Variants in C19orf44 observed in about 807,000 individuals in gnomAD.
C19orf44 encodes uncharacterized protein C19orf44.
In C19orf44, 43 loss-of-function variants were observed where a neutral mutation model predicts 50.7. The ratio of observed to expected loss-of-function variants is 0.85; its 90% CI spans 0.66 to 1.09. The LOEUF is 1.09. Among genes scored for constraint, C19orf44 ranks in the 50% least tolerant of loss-of-function variants. C19orf44 has a pLI of 0.00. For missense variants in C19orf44, 722 were observed against 836.2 expected (o/e 0.86, Z 1.68); for synonymous variants, 298 against 334.7 (o/e 0.89, Z 1.20).
rs778252962 is a variant in C19orf44, at chr19:16,520,217, C to T, written c.*164C>T. ...GGGAGTACGACTTGGACCGGGACCGCGACTGGGACCGGGAGCGGCTTCTGG... is the reference window on the plus strand; with the variant it reads ...GGGAGTACGACTTGGACCGGGACCGTGACTGGGACCGGGAGCGGCTTCTGG... On this transcript the variant is annotated 3_prime_UTR_variant, in exon 9 of 9. Coordinates refer to ENST00000221671, the MANE Select transcript of C19orf44 (RefSeq NM_032207.4). The surrounding 1 kb of genome is among the most constrained non-coding windows in gnomAD (Gnocchi z 4.0). The T allele has an allele frequency of 3.7e-5, 60 of 1,613,274 alleles. No homozygotes were observed. Among genetic ancestry groups the T allele is most frequent in the Non-Finnish European group, 4.8e-5 (57 of 1,180,030 alleles).
At chr19:16,506,057 C>T (rs911197188) in intron 3 of C19orf44, among the ~76,000 whole-genome samples, 1 of 151,438 alleles carries the variant, frequency 6.6e-6, no homozygotes, top group African/African-American at 2.4e-5. Context: ...TAGTTCACTG[C>T]AGCTTTGAAC....
chr19:16,517,110 TCTGTCA>T, intron 7 of C19orf44, 114 bp from the exon 8 acceptor site: 1 of 887,820 alleles, frequency 1.1e-6, no homozygotes. Context: ...GTTTTACACT[TCTGTCA>T]CTGACAGGAG....
intron 2 of C19orf44, 66 bp from the exon 3 acceptor site, chr19:16,502,995 AAAAC>A: frequency 6.8e-7 from 1 of 1,467,746 alleles, no homozygotes; most frequent in Non-Finnish European, 9.2e-7. Context: ...TCAAAAAAAA[AAAAC>A]AAAAAACAAA....
chr19:16,510,186 C>A, intron 5 of C19orf44, 198 bp downstream of exon 5: 1 of 684,454 alleles, frequency 1.5e-6, no homozygotes, highest in Non-Finnish European at 2.4e-6. Flanking sequence ...GCGGGAGGAT[C>A]ACTTGAGGTC....
chr19:16,501,712 C>T, intron 2 of C19orf44, among the ~76,000 whole-genome samples, 161 bp downstream of exon 2: 1 of 151,542 alleles, frequency 6.6e-6, no homozygotes, highest in South Asian at 2.1e-4. Flanking sequence ...CTGCCTCAGC[C>T]TCCCGAGTAG....
At position 16,513,028 on chromosome 19, in the gene C19orf44, G is replaced by A; in HGVS notation, c.1654G>A (p.Ala552Thr). ...YEWTKVASMA[A>T]MGPALGGAYV... Reference sequence around the variant, plus strand: ...CCCCGAGATAGTGGCCAGCATGGCAGCCATGGGGCCTGCCCTGGGAGGCGC... The same window carrying A: ...CCCCGAGATAGTGGCCAGCATGGCAACCATGGGGCCTGCCCTGGGAGGCGC... The change falls in exon 6 of 9, where the codon GCC becomes ACC. Residue 552 changes from alanine (A) to threonine (T), a missense_variant. Ala to Thr is a moderately conservative substitution (Grantham distance 58). Coordinates refer to ENST00000221671, the MANE Select transcript of C19orf44 (RefSeq NM_032207.4). The A allele has an allele frequency of 6.2e-7, 1 of 1,613,178 alleles. No individual in the cohort carries two copies. Among genetic ancestry groups the A allele is most frequent in the Non-Finnish European group, 8.5e-7 (1 of 1,179,988 alleles).
Position 16,521,237 on chromosome 19 carries a change from C to G in C19orf44, c.*1184C>G. 1 of 570,188 alleles carries G rather than the reference C, an allele frequency of 1.8e-6. No individual in the cohort carries two copies. Among genetic ancestry groups the G allele is most frequent in the Non-Finnish European group, 3.1e-6 (1 of 320,154 alleles). 35.3% of individuals were successfully genotyped at this position (570,188 alleles called of 1,614,324 possible). A position where few individuals can be genotyped will look rare whatever the true frequency, so the allele number is the denominator to read the frequency against. ...GCCCAGCACAGGAAGGAGGGGTGACCACTGGGAAGGGTGGGCTGAGGGCCC... is the reference window on the plus strand; with the variant it reads ...GCCCAGCACAGGAAGGAGGGGTGACGACTGGGAAGGGTGGGCTGAGGGCCC... On this transcript the variant is annotated 3_prime_UTR_variant, in exon 9 of 9. Transcript: ENST00000221671.
chr19:16,516,472 T>G (rs994248017), intron 7 of C19orf44, among the ~76,000 whole-genome samples: 1 of 152,130 alleles, frequency 6.6e-6, no homozygotes, highest in South Asian at 2.1e-4. Flanking sequence ...TCAAGGAATA[T>G]CCAGTGTTGA....
intron 2 of C19orf44, 67 bp from the exon 3 acceptor site, chr19:16,502,998 A>T: frequency 6.8e-7 from 1 of 1,460,022 alleles, no homozygotes. Flanking sequence ...AAAAAAAAAA[A>T]CAAAAAACAA....
chr19:16,499,355 C>G (rs959733808), intron 1 of C19orf44: 5 of 151,832 alleles, frequency 3.3e-5, no homozygotes, highest in African/African-American at 1.2e-4. Context: ...GGCGCAGTCT[C>G]GGCTCACTGC....
In C19orf44 at chr19:16,519,879, T is replaced by C. The variant is rs1375706077; in HGVS notation, c.*41-215T>C. 2.8e-6 allele frequency: 2 copies of C among 704,702 alleles called. No individual in the cohort carries two copies. The highest frequency in any genetic ancestry group is 3.5e-5 in the African/African-American group (2 of 56,868). The allele number at this position is 704,702 out of a possible 1,614,324, so 43.7% of individuals were successfully genotyped here. On this transcript the variant is annotated intron_variant, in intron 8 of 8. Coordinates refer to ENST00000221671, the MANE Select transcript of C19orf44 (RefSeq NM_032207.4). This position sits in a 1 kb window ranked among gnomAD's most constrained non-coding sequence, Gnocchi z 6.0. ...ACCCGTTTATCCTGTCTCAGCTAGA[T>C]AAGGGGGCTCCAGACGCTGGCCCCC... is the stretch of plus-strand genomic sequence containing the variant.
chr19:16,502,534 G>A (rs2093428525), intron 2 of C19orf44, among the ~76,000 whole-genome samples: 1 of 152,108 alleles, frequency 6.6e-6, no homozygotes, highest in African/African-American at 2.4e-5. Flanking sequence ...ACCACGCCCA[G>A]CCTTGTGGAA....
Position 16,519,489 on chromosome 19 carries a change from G to C in C19orf44, c.*41-605G>C. 1.6e-6 allele frequency: 2 copies of C among 1,251,534 alleles called. No individual in the cohort carries two copies. Among genetic ancestry groups the C allele is most frequent in the Non-Finnish European group, 2.3e-6 (2 of 873,334 alleles). The allele number at this position is 1,251,534 out of a possible 1,614,324, so 77.5% of individuals were successfully genotyped here. On this transcript the variant is annotated intron_variant, in intron 8 of 8. Transcript: ENST00000221671. The surrounding 1 kb of genome is among the most constrained non-coding windows in gnomAD (Gnocchi z 6.0). Reference sequence around the variant, plus strand: ...ACCCGCAGGCCGGCCCTGTCTAGAGGGTCTGGGTGGAGTCAGAACCGGCCT... The same window carrying C: ...ACCCGCAGGCCGGCCCTGTCTAGAGCGTCTGGGTGGAGTCAGAACCGGCCT...
chr19:16,509,869 C>T lies in C19orf44; in HGVS notation c.1520C>T (p.Thr507Ile), dbSNP rs200035622. The change falls in exon 5 of 9, where the codon ACA becomes ATA. Residue 507 changes from threonine to isoleucine, a missense_variant. Coordinates refer to ENST00000221671, the MANE Select transcript of C19orf44 (RefSeq NM_032207.4). ...ALSESSSSVK[T>I]DLPQTAESRK... Reference sequence around the variant, plus strand: ...TCTGAATCCTCTTCAAGTGTGAAGACAGACCTTCCACAAACAGCCGAGTCT... The same window carrying T: ...TCTGAATCCTCTTCAAGTGTGAAGATAGACCTTCCACAAACAGCCGAGTCT... 21 of 1,614,266 alleles carry T rather than the reference C, an allele frequency of 1.3e-5. No individual in the cohort carries two copies. Among genetic ancestry groups the T allele is most frequent in the Non-Finnish European group, 1.6e-5 (19 of 1,180,046 alleles).
At chr19:16,517,818 C>T (rs1409146784) in intron 8 of C19orf44, 1 of 157,730 alleles carries the variant, frequency 6.3e-6, no homozygotes, top group African/African-American at 2.4e-5. Flanking sequence ...CCCCAGGCTG[C>T]ACAGCTCAAA....
intron 1 of C19orf44, among the ~76,000 whole-genome samples, chr19:16,497,071 A>G (rs2122159109): frequency 6.6e-6 from 1 of 152,282 alleles, no homozygotes; most frequent in South Asian, 2.1e-4. Flanking sequence ...CAGGAGGTCA[A>G]GGGCTGCTGT....
intron 5 of C19orf44, among the ~76,000 whole-genome samples, chr19:16,512,481 C>T (rs886351116): frequency 3.3e-5 from 5 of 152,046 alleles, no homozygotes; most frequent in Non-Finnish European, 5.9e-5. Flanking sequence ...CCGGAGCCAC[C>T]GCTGCACCCA....
At chr19:16,515,763 C>A (rs940495773) in intron 7 of C19orf44, among the ~76,000 whole-genome samples, 1 of 151,236 alleles carries the variant, frequency 6.6e-6, no homozygotes, top group Non-Finnish European at 1.5e-5. Flanking sequence ...TGGCATTATA[C>A]TATATGCAGT....
intron 4 of C19orf44, among the ~76,000 whole-genome samples, chr19:16,508,273 T>G (rs1358022834): frequency 1.3e-5 from 2 of 151,580 alleles, no homozygotes; most frequent in East Asian, 3.9e-4. Context: ...CCCCACTAAT[T>G]TTTGTATTTT....
Sources: gnomAD v4.1 joint callset for allele counts (sites outside exome capture counted in the v4.1 genomes callset) on GRCh38, gnomAD v4.1.1 for gene constraint, Gnocchi (gnomAD v3.1) non-coding constraint, MANE v1.5 for transcripts, NCBI Gene and HGNC (gene_info 2026-07-23, HGNC 2026-07-21) for gene names.